Variants in TRHDE observed in about 807,000 individuals in gnomAD.
The protein encoded by TRHDE is thyrotropin-releasing hormone-degrading ectoenzyme.
A neutral mutation model predicts 125.7 loss-of-function variants in TRHDE; 72 were observed. That is an observed-to-expected ratio of 0.57 (90% CI 0.47 to 0.70). The LOEUF (loss-of-function observed/expected upper bound fraction) is 0.70. Ranked by LOEUF, TRHDE falls within the 30% of genes least tolerant of loss-of-function variation. The probability of loss-of-function intolerance (pLI) is 0.00; values close to 1 mark genes in which losing one functional copy is unlikely to be tolerated. For synonymous variants in TRHDE, 509 were observed against 509.1 expected (o/e 1.00, Z 0.00); for missense variants, 1,110 against 1,327.1 (o/e 0.84, Z 2.54).
chr12:72,202,392 A>G (rs944485883), intron 2 of TRHDE, among the ~76,000 whole-genome samples: 3 of 152,226 alleles, frequency 2.0e-5, no homozygotes, highest in Non-Finnish European at 4.4e-5. Flanking sequence ...AGTCCCTGGT[A>G]TGTACACTCT....
chr12:72,410,076 A>G (rs1299039815), intron 3 of TRHDE, among the ~76,000 whole-genome samples: 3 of 152,196 alleles, frequency 2.0e-5, no homozygotes, highest in Non-Finnish European at 4.4e-5. Flanking sequence ...TAATTTAAGG[A>G]ATAAAAAGAT....
chr12:72,271,106 T>C (rs920671690), upstream of TRHDE, among the ~76,000 whole-genome samples: 6 of 152,258 alleles, frequency 3.9e-5, no homozygotes, highest in African/African-American at 1.4e-4. Flanking sequence ...CTGTAGACAT[T>C]GTGTGTTAAT....
chr12:72,343,974 T>C (rs1234620188), intron 2 of TRHDE, among the ~76,000 whole-genome samples: 1 of 151,392 alleles, frequency 6.6e-6, no homozygotes, highest in Non-Finnish European at 1.5e-5. Flanking sequence ...CCTTTATCTA[T>C]ATTTATTACA....
At chr12:72,254,816 GCAT>G (rs1878770507) in intron 2 of TRHDE, 1 of 151,972 alleles carries the variant, frequency 6.6e-6, no homozygotes, top group African/African-American at 2.4e-5. Flanking sequence ...TTTCTTTCTT[GCAT>G]CATCAAGATT....
chr12:72,658,456 CCTT>C (rs1234149833), intron 18 of TRHDE, among the ~76,000 whole-genome samples: 4 of 152,136 alleles, frequency 2.6e-5, no homozygotes, highest in African/African-American at 9.7e-5. Flanking sequence ...GTGCTTCTCT[CCTT>C]CTCTTTTATC....
At chr12:72,511,516 A>T (rs991387756) in intron 6 of TRHDE, among the ~76,000 whole-genome samples, 3 of 152,186 alleles carry the variant, frequency 2.0e-5, no homozygotes, top group African/African-American at 7.2e-5. Context: ...AGCTAAATCA[A>T]CATTATACTG....
At chr12:72,466,914 C>T (rs1278139444) in intron 3 of TRHDE, among the ~76,000 whole-genome samples, 7 of 152,130 alleles carry the variant, frequency 4.6e-5, no homozygotes, top group Admixed American at 6.5e-5. Context: ...TGTTAATTGA[C>T]GTCCTGCACA....
intron 3 of TRHDE, among the ~76,000 whole-genome samples, chr12:72,418,086 C>G (rs1486177659): frequency 6.6e-6 from 1 of 151,960 alleles, no homozygotes; most frequent in Admixed American, 6.6e-5. Context: ...TTAATTCTTG[C>G]TATCAAAAAT....
intron 3 of TRHDE, among the ~76,000 whole-genome samples, chr12:72,427,352 C>G (rs889579243): frequency 6.6e-6 from 1 of 152,090 alleles, no homozygotes; most frequent in East Asian, 1.9e-4. Flanking sequence ...CATCTCTTTT[C>G]CCCAGGACCC....
chr12:72,169,234 G>C (rs1876818079), intron 2 of TRHDE, among the ~76,000 whole-genome samples: 1 of 151,816 alleles, frequency 6.6e-6, no homozygotes, highest in Admixed American at 6.6e-5. Flanking sequence ...AGAATAATAT[G>C]GGAAGCTGCT....
upstream of TRHDE, among the ~76,000 whole-genome samples, chr12:72,270,596 A>G (rs1166309504): frequency 6.6e-6 from 1 of 152,218 alleles, no homozygotes; most frequent in Non-Finnish European, 1.5e-5. Context: ...AATGCCTTCA[A>G]GATTTGAAGA....
chr12:72,237,337 T>C (rs754382062), intron 2 of TRHDE, among the ~76,000 whole-genome samples: 2 of 152,214 alleles, frequency 1.3e-5, no homozygotes, highest in Non-Finnish European at 2.9e-5. Flanking sequence ...GTAAATTGGC[T>C]ACTAGGTGGT....
rs141105174 is a variant in TRHDE at position 72,577,757 on chromosome 12, C to T, written c.2321+2215C>T. ...TTTCAAAAATTAGGTTTCTTCTTCC[C>T]TAAGACAGAACATTGCTTTCAATTC... On this transcript the variant is annotated intron_variant, in intron 12 of 18. Coordinates refer to ENST00000261180, the MANE Select transcript of TRHDE (RefSeq NM_013381.3). 2.6e-3 allele frequency among the ~76,000 whole-genome samples: 400 copies of T among 152,130 alleles called. 4 individuals are homozygous for T. The highest frequency in any genetic ancestry group is 8.5e-3 in the African/African-American group (354 of 41,494).
At chr12:72,658,012 T>G (rs1874774543) in intron 18 of TRHDE, among the ~76,000 whole-genome samples, 1 of 152,132 alleles carries the variant, frequency 6.6e-6, no homozygotes, top group African/African-American at 2.4e-5. Context: ...CTTAATATCT[T>G]CTAATATTGT....
intron 2 of TRHDE, among the ~76,000 whole-genome samples, chr12:72,362,264 G>A (rs1425860566): frequency 1.3e-5 from 2 of 149,722 alleles, no homozygotes; most frequent in South Asian, 2.1e-4. Context: ...TCTAACTGGT[G>A]TGAGATGGTA....
chr12:72,514,557 T>A (rs1793606577), intron 6 of TRHDE, among the ~76,000 whole-genome samples: 1 of 151,810 alleles, frequency 6.6e-6, no homozygotes, highest in South Asian at 2.1e-4. Context: ...GCAGGAGACA[T>A]AAAGATGTAT....
At chr12:72,482,281 G>A (rs1056566167) in intron 5 of TRHDE, among the ~76,000 whole-genome samples, 4 of 151,770 alleles carry the variant, frequency 2.6e-5, no homozygotes, top group African/African-American at 9.6e-5. Flanking sequence ...TTAGCTGACC[G>A]ATATACTTCT....
intron 2 of TRHDE, among the ~76,000 whole-genome samples, chr12:72,369,584 G>A (rs145342892): frequency 2.0e-4 from 30 of 152,220 alleles, no homozygotes; most frequent in African/African-American, 7.2e-4. Flanking sequence ...CCTCTCAGAC[G>A]TAATATAATA....
chr12:72,336,983 A>T (rs2135725606), intron 2 of TRHDE, among the ~76,000 whole-genome samples: 1 of 152,310 alleles, frequency 6.6e-6, no homozygotes, highest in South Asian at 2.1e-4. Context: ...TTAGAAATGC[A>T]GAATCTCAGG....
Sources: gnomAD v4.1 joint callset for allele counts (sites outside exome capture counted in the v4.1 genomes callset) on GRCh38, gnomAD v4.1.1 for gene constraint, MANE v1.5 for transcripts, NCBI Gene and HGNC (gene_info 2026-07-23, HGNC 2026-07-21) for gene names.